RFX4: variants seen among roughly 807,000 people sequenced by gnomAD.
The protein encoded by RFX4 is regulatory factor X4.
In RFX4, 10 loss-of-function variants were observed where a neutral mutation model predicts 95.0. The observed-to-expected ratio is 0.11, with a 90% CI of 0.06 to 0.18. The LOEUF is 0.18. RFX4 is among the 10% of genes least tolerant of loss of function. RFX4 has a pLI of 1.00. For synonymous variants in RFX4, 321 were observed against 340.7 expected (o/e 0.94, Z 0.64); for missense variants, 640 against 922.0 (o/e 0.69, Z 3.96).
At chr12:106,741,555 G>A (rs1297835328) in intron 15 of RFX4, among the ~76,000 whole-genome samples, 1 of 152,172 alleles carries the variant, frequency 6.6e-6, no homozygotes. Context: ...ATTTTAAATT[G>A]TATTTAGTTT....
intron 1 of RFX4, among the ~76,000 whole-genome samples, chr12:106,606,365 T>C (rs901793123): frequency 3.9e-5 from 6 of 152,112 alleles, no homozygotes; most frequent in Admixed American, 3.3e-4. Context: ...TAAGGTTTGG[T>C]GGAGGCAGGG....
At chr12:106,748,228 T>G (rs2042931444) in intron 16 of RFX4, among the ~76,000 whole-genome samples, 1 of 152,180 alleles carries the variant, frequency 6.6e-6, no homozygotes, top group Non-Finnish European at 1.5e-5. Context: ...TGTTCCTCCC[T>G]CTTTACTCCT....
At chr12:106,689,151 TG>T in intron 6 of RFX4, 135 bp from the exon 7 acceptor site, 1 of 760,174 alleles carries the variant, frequency 1.3e-6, no homozygotes, top group Non-Finnish European at 2.3e-6. Flanking sequence ...CACCTGGGTC[TG>T]GTAGGCTGAG....
chr12:106,614,439 G>A (rs919010227), intron 2 of RFX4, among the ~76,000 whole-genome samples: 53 of 151,756 alleles, frequency 3.5e-4, no homozygotes, highest in African/African-American at 1.1e-3. Context: ...GATTACAGGC[G>A]TGAGCCCCTG....
At chr12:106,631,495 G>A (rs1057312334) in intron 2 of RFX4, among the ~76,000 whole-genome samples, 2 of 152,232 alleles carry the variant, frequency 1.3e-5, no homozygotes, top group Non-Finnish European at 2.9e-5. Flanking sequence ...TTGGAGATGA[G>A]GCTTTGGGGA....
At chr12:106,760,628 C>T (rs889067553) in intron 17 of RFX4, among the ~76,000 whole-genome samples, 15 of 152,128 alleles carry the variant, frequency 9.9e-5, no homozygotes, top group African/African-American at 2.7e-4. Context: ...TAATAACCTT[C>T]GAAATTGTTG....
chr12:106,644,199 G>A (rs2040693819), intron 3 of RFX4, among the ~76,000 whole-genome samples: 1 of 149,694 alleles, frequency 6.7e-6, no homozygotes, highest in Non-Finnish European at 1.5e-5. Flanking sequence ...TTTAGCATAA[G>A]ACAATGGCAG....
chr12:106,654,398 A>C, intron 4 of RFX4, 47 bp downstream of exon 4: 1 of 1,579,244 alleles, frequency 6.3e-7, no homozygotes, highest in South Asian at 1.2e-5. Flanking sequence ...CCCCAACTTT[A>C]AGTAATTTAT....
intron 2 of RFX4, among the ~76,000 whole-genome samples, chr12:106,611,378 A>G (rs1293370702): frequency 6.7e-6 from 1 of 148,352 alleles, no homozygotes; most frequent in East Asian, 2.0e-4. Flanking sequence ...CTAAGAAATC[A>G]TTGTCAGATC....
intron 7 of RFX4, among the ~76,000 whole-genome samples, chr12:106,691,576 C>T (rs550559506): frequency 2.0e-5 from 3 of 152,322 alleles, no homozygotes; most frequent in South Asian, 2.1e-4. Flanking sequence ...TACACCTTGA[C>T]TTTACAGTTG....
At chr12:106,673,584 C>T (rs956340431) in intron 4 of RFX4, among the ~76,000 whole-genome samples, 5 of 152,140 alleles carry the variant, frequency 3.3e-5, no homozygotes, top group Non-Finnish European at 5.9e-5. Flanking sequence ...TAATGCTGTC[C>T]TATACTTTAT....
intron 1 of RFX4, chr12:106,601,072 T>A: frequency 7.7e-7 from 1 of 1,295,204 alleles, no homozygotes; most frequent in East Asian, 2.8e-5. Context: ...AGGGAAGGAA[T>A]GAAAGCAGAG....
chr12:106,736,695 G>T (rs549069813), intron 15 of RFX4, among the ~76,000 whole-genome samples: 2 of 152,218 alleles, frequency 1.3e-5, no homozygotes, highest in African/African-American at 4.8e-5. Context: ...GGCAACAGCG[G>T]GCATTCTCCA....
intron 10 of RFX4, 90 bp downstream of exon 10, chr12:106,711,601 T>A (rs923076320): frequency 2.9e-5 from 31 of 1,068,894 alleles, no homozygotes; most frequent in Admixed American, 1.4e-4. Flanking sequence ...GCAGGATCTT[T>A]CAGGTTAACA....
chr12:106,730,458 A>C (rs1433678477), intron 13 of RFX4, among the ~76,000 whole-genome samples: 2 of 152,238 alleles, frequency 1.3e-5, no homozygotes, highest in Non-Finnish European at 2.9e-5. Context: ...TTACGGAGCC[A>C]GACCAAACTG....
intron 4 of RFX4, among the ~76,000 whole-genome samples, chr12:106,669,762 A>G (rs1273552894): frequency 6.6e-6 from 1 of 151,470 alleles, no homozygotes; most frequent in East Asian, 1.9e-4. Flanking sequence ...TCTTGTATAT[A>G]TTTTTCTTAA....
chr12:106,750,924 A>G, intron 17 of RFX4, 131 bp downstream of exon 17: 2 of 668,070 alleles, frequency 3.0e-6, no homozygotes, highest in Non-Finnish European at 2.1e-6. Flanking sequence ...GACAGTCTTT[A>G]TTTATTTATT....
At chr12:106,615,659 A>G (rs1194374059) in intron 2 of RFX4, among the ~76,000 whole-genome samples, 1 of 152,164 alleles carries the variant, frequency 6.6e-6, no homozygotes, top group Non-Finnish European at 1.5e-5. Context: ...TTTTCCCAGC[A>G]GTGTTTTGTA....
rs543508424 is a variant in RFX4 at position 106,631,556 on chromosome 12, T to C, written c.131-7776T>C. Among the ~76,000 whole-genome samples, 200 of 152,262 alleles carry C rather than the reference T, an allele frequency of 1.3e-3. 7 individuals are homozygous for C. The South Asian group carries it at 0.039, about 30-fold the overall frequency. The stretch of plus-strand genomic sequence containing the variant: ...CTTGTGAATGGGATTAGTGTCTCCT[T>C]ATAAAAGAGGCCCCAGAGAGCTCCC... On this transcript the variant is annotated intron_variant, in intron 2 of 17. Coordinates refer to ENST00000392842, the MANE Select transcript of RFX4 (RefSeq NM_213594.3).
Sources: allele counts gnomAD v4.1 joint callset (sites outside exome capture counted in the v4.1 genomes callset), GRCh38; gene constraint gnomAD v4.1.1; transcripts MANE v1.5; gene names NCBI Gene and HGNC (gene_info 2026-07-23, HGNC 2026-07-21).